Variants in SBF2 observed in about 807,000 individuals in gnomAD.
The protein encoded by SBF2 is myotubularin-related protein 13.
A neutral mutation model predicts 225.2 loss-of-function variants in SBF2; 112 were observed. The observed-to-expected ratio is 0.50, with a 90% CI of 0.43 to 0.58. The LOEUF (loss-of-function observed/expected upper bound fraction) is 0.58, where lower values mean the gene tolerates loss of function less well. SBF2 is among the 20% of genes least tolerant of loss of function. SBF2 has a pLI of 0.00. For synonymous variants in SBF2, 763 were observed against 773.3 expected (o/e 0.99, Z 0.22); for missense variants, 1,996 against 2,206.2 (o/e 0.90, Z 1.91).
intron 13 of SBF2, among the ~76,000 whole-genome samples, chr11:9,984,305 G>C (rs1471630499): frequency 6.6e-6 from 1 of 152,102 alleles, no homozygotes; most frequent in Non-Finnish European, 1.5e-5. Context: ...CCCAGCAATA[G>C]AACTGAACAA....
At chr11:9,989,839 T>C (rs1327621402) in intron 12 of SBF2, among the ~76,000 whole-genome samples, 1 of 152,184 alleles carries the variant, frequency 6.6e-6, no homozygotes, top group African/African-American at 2.4e-5. Context: ...AAAAGTCATT[T>C]CTGGAACTCA....
chr11:10,194,391 T>C (rs979325062), intron 1 of SBF2, among the ~76,000 whole-genome samples: 1 of 152,218 alleles, frequency 6.6e-6, no homozygotes, highest in Non-Finnish European at 1.5e-5. Flanking sequence ...ATGCAAATAC[T>C]ACACCATTTT....
At position 9,846,954 on chromosome 11, in the gene SBF2, AC is replaced by A; in HGVS notation, c.2934+1del. 6.2e-7 allele frequency: 1 copy of A among 1,613,646 alleles called. No homozygotes were observed. Among genetic ancestry groups the A allele is most frequent in the Non-Finnish European group, 8.5e-7 (1 of 1,179,614 alleles). On this transcript the variant is annotated splice_donor_variant, in intron 23 of 39. Coordinates refer to ENST00000256190, the MANE Select transcript of SBF2 (RefSeq NM_030962.4). LOFTEE classifies it high-confidence loss of function. ...TAAAACAATGGCTTCCTTTTTTAAT[AC>A]CTGAAAAGATGCTGATGTGATCTGC...
In SBF2 at chr11:9,870,000, C is replaced by T. The variant is rs182056965; in HGVS notation, c.1930-11604G>A. 2.8e-3 allele frequency among the ~76,000 whole-genome samples: 433 copies of T among 152,218 alleles called. 4 individuals carry two copies. The highest frequency in any genetic ancestry group is 9.5e-3 in the African/African-American group (396 of 41,530). On this transcript the variant is annotated intron_variant, in intron 17 of 39. Transcript: ENST00000256190. Reference sequence around the variant, plus strand: ...TTCTTAAGCTGATAAGCAACTTCAGCGAAGTCTCAGCATACAAAAATCAAT... The same window carrying T: ...TTCTTAAGCTGATAAGCAACTTCAGTGAAGTCTCAGCATACAAAAATCAAT...
At chr11:9,846,856 C>T in intron 23 of SBF2, 100 bp downstream of exon 23, 2 of 1,302,056 alleles carry the variant, frequency 1.5e-6, no homozygotes, top group South Asian at 1.2e-5. Flanking sequence ...CCATTCTCAT[C>T]CTCTTAACTT....
intron 3 of SBF2, among the ~76,000 whole-genome samples, chr11:10,031,814 T>G (rs1264648638): frequency 6.6e-6 from 1 of 152,184 alleles, no homozygotes; most frequent in East Asian, 1.9e-4. Context: ...ACAATCACAG[T>G]GCACTGCAGC....
intron 2 of SBF2, among the ~76,000 whole-genome samples, chr11:10,116,155 C>T (rs1260731649): frequency 6.6e-6 from 1 of 152,090 alleles, no homozygotes; most frequent in East Asian, 1.9e-4. Context: ...GGCGACAGAG[C>T]GAGACTCCCT....
chr11:10,271,084 T>C (rs961508146), intron 1 of SBF2, among the ~76,000 whole-genome samples: 5 of 149,662 alleles, frequency 3.3e-5, no homozygotes, highest in African/African-American at 9.9e-5. Context: ...TGGAAATACA[T>C]ATGTTAAAAT....
chr11:10,257,681 A>AG (rs1960985729), intron 1 of SBF2, among the ~76,000 whole-genome samples: 1 of 149,344 alleles, frequency 6.7e-6, no homozygotes, highest in Non-Finnish European at 1.5e-5. Context: ...AAAAAAAAAA[A>AG]AAAAAAAAAG....
chr11:10,071,783 T>C (rs185589875), intron 2 of SBF2, among the ~76,000 whole-genome samples: 3 of 152,362 alleles, frequency 2.0e-5, no homozygotes, highest in African/African-American at 4.8e-5. Context: ...GGTCTGTTTA[T>C]GTTATGGATT....
chr11:9,782,892 AAAAAG>A (rs1852117974), intron 38 of SBF2: 1 of 151,934 alleles, frequency 6.6e-6, no homozygotes, highest in Non-Finnish European at 1.5e-5. Flanking sequence ...AAAAAAAAGA[AAAAAG>A]GAAAAAAGTC....
chr11:9,845,468 A>G, intron 24 of SBF2, 97 bp downstream of exon 24: 1 of 1,116,428 alleles, frequency 9.0e-7, no homozygotes, highest in African/African-American at 1.5e-5. Flanking sequence ...AGTGAATGAA[A>G]ACAGCAATCG....
chr11:9,837,611 G>A (rs1855813487), intron 26 of SBF2, among the ~76,000 whole-genome samples: 1 of 152,148 alleles, frequency 6.6e-6, no homozygotes, highest in African/African-American at 2.4e-5. Context: ...TGCTTTTAAA[G>A]TCTACTTTGA....
At chr11:9,962,603 T>A (rs900155605) in intron 15 of SBF2, among the ~76,000 whole-genome samples, 1 of 152,104 alleles carries the variant, frequency 6.6e-6, no homozygotes, top group African/African-American at 2.4e-5. Flanking sequence ...CATTTAAATA[T>A]CATAAAAAAG....
At chr11:10,175,619 C>T (rs1193344349) in intron 2 of SBF2, among the ~76,000 whole-genome samples, 2 of 150,886 alleles carry the variant, frequency 1.3e-5, no homozygotes, top group Admixed American at 6.6e-5. Context: ...AGAAAGTCAA[C>T]AAGGATACCC....
Position 9,779,956 on chromosome 11 carries a change from A to G in SBF2, c.*462T>C, listed in dbSNP as rs925868128. 11 of 244,664 alleles carry G rather than the reference A, an allele frequency of 4.5e-5. No homozygotes were observed. The highest frequency in any genetic ancestry group is 2.2e-4 in the African/African-American group (10 of 45,242). 15.2% of individuals were successfully genotyped at this position (244,664 alleles called of 1,614,324 possible). A position where few individuals can be genotyped will look rare whatever the true frequency, so the allele number is the denominator to read the frequency against. ...AGCATCTCAAAGGTCAGGCATTACA[A>G]GTAGATGTCTCTCATAGGAAACCTA... On this transcript the variant is annotated 3_prime_UTR_variant, in exon 40 of 40. Transcript: ENST00000256190.
intron 32 of SBF2, among the ~76,000 whole-genome samples, chr11:9,805,917 G>A (rs780973495): frequency 3.9e-5 from 6 of 152,306 alleles, no homozygotes; most frequent in African/African-American, 4.8e-5. Flanking sequence ...CACCACGCCC[G>A]ACCAGGATAT....
chr11:10,162,184 CTT>C (rs144690654), intron 2 of SBF2, among the ~76,000 whole-genome samples: 46 of 138,882 alleles, frequency 3.3e-4, no homozygotes, highest in East Asian at 6.1e-4. Flanking sequence ...CCTACCTTGT[CTT>C]TTTTTTTTTT....
At chr11:10,227,344 T>C (rs1236416297) in intron 1 of SBF2, among the ~76,000 whole-genome samples, 1 of 152,232 alleles carries the variant, frequency 6.6e-6, no homozygotes, top group African/African-American at 2.4e-5. Flanking sequence ...CATTTGTCTA[T>C]TTTGGCTTTT....
Sources: gnomAD v4.1 joint callset for allele counts (sites outside exome capture counted in the v4.1 genomes callset) on GRCh38, gnomAD v4.1.1 for gene constraint, MANE v1.5 for transcripts, NCBI Gene and HGNC (gene_info 2026-07-23, HGNC 2026-07-21) for gene names.